RAP1GAP2: variants seen among roughly 807,000 people sequenced by gnomAD.
RAP1GAP2 encodes the protein RAP1 GTPase activating protein 2.
In RAP1GAP2, 27 loss-of-function variants were observed where a neutral mutation model predicts 95.0. The observed-to-expected ratio is 0.28, with a 90% CI of 0.21 to 0.39. The LOEUF (loss-of-function observed/expected upper bound fraction) is 0.39, where lower values mean the gene tolerates loss of function less well. Among genes scored for constraint, RAP1GAP2 ranks in the 10% least tolerant of loss-of-function variants. The pLI, the probability that RAP1GAP2 is intolerant of heterozygous loss-of-function variation, is 1.00. For synonymous variants in RAP1GAP2, 373 were observed against 380.9 expected, an observed-to-expected ratio of 0.98 and a Z score of 0.24; for missense variants, 771 against 970.0, an observed-to-expected ratio of 0.79 and a Z score of 2.72.
intron 2 of RAP1GAP2, among the ~76,000 whole-genome samples, chr17:2,889,934 G>A (rs1165948846): frequency 1.5e-5 from 2 of 133,564 alleles, no homozygotes; most frequent in African/African-American, 2.8e-5. Context: ...ATTTTGGCCA[G>A]GTGGGTCTTG....
chr17:2,920,952 G>A (rs948030328), intron 3 of RAP1GAP2, among the ~76,000 whole-genome samples: 3 of 152,132 alleles, frequency 2.0e-5, no homozygotes, highest in Non-Finnish European at 2.9e-5. Context: ...AGAGGCCAGT[G>A]GATGGTGGGT....
intron 2 of RAP1GAP2, among the ~76,000 whole-genome samples, chr17:2,826,734 G>T (rs537139986): frequency 2.0e-5 from 3 of 152,112 alleles, no homozygotes; most frequent in African/African-American, 7.2e-5. Context: ...CCGGCCGGGC[G>T]CGGTGGCTCA....
intron 3 of RAP1GAP2, among the ~76,000 whole-genome samples, chr17:2,917,861 A>ACC (rs1381539753): frequency 1.3e-5 from 2 of 151,710 alleles, no homozygotes; most frequent in African/African-American, 4.8e-5. Context: ...GATTACAAGC[A>ACC]CATGCCACCA....
chr17:3,030,122 A>G (rs1238945058), intron 22 of RAP1GAP2, among the ~76,000 whole-genome samples: 1 of 147,212 alleles, frequency 6.8e-6, no homozygotes, highest in African/African-American at 2.5e-5. Context: ...TGTATATATT[A>G]TATATACATA....
intron 2 of RAP1GAP2, among the ~76,000 whole-genome samples, chr17:2,860,065 G>T (rs1041084958): frequency 6.6e-6 from 1 of 151,902 alleles, no homozygotes; most frequent in Non-Finnish European, 1.5e-5. Context: ...TCCTGCCATT[G>T]CAGGCAGCCC....
At chr17:2,791,286 T>C (rs178579) in intron 1 of RAP1GAP2, among the ~76,000 whole-genome samples, 144,649 of 152,250 alleles carry the variant, frequency 0.95, 69,162 homozygotes, top group Non-Finnish European at 1. Context: ...GCTGGGACTT[T>C]GCCCCAGGCT....
At chr17:2,984,879 G>A in intron 10 of RAP1GAP2, 104 bp from the exon 11 acceptor site, 1 of 1,547,272 alleles carries the variant, frequency 6.5e-7, no homozygotes, top group Non-Finnish European at 8.7e-7. Flanking sequence ...TCATACCAGG[G>A]AACACATTCT....
chr17:2,952,396 A>C (rs965889353), intron 3 of RAP1GAP2, among the ~76,000 whole-genome samples: 3 of 152,168 alleles, frequency 2.0e-5, no homozygotes, highest in Admixed American at 1.3e-4. Context: ...TTTGGCCCTT[A>C]AACAGTGCTG....
At chr17:2,785,875 G>A (rs1376261192) in intron 1 of RAP1GAP2, among the ~76,000 whole-genome samples, 1 of 148,034 alleles carries the variant, frequency 6.8e-6, no homozygotes, top group African/African-American at 2.5e-5. Flanking sequence ...GTATGGTAAA[G>A]ATGAAAGGAA....
chr17:3,019,018 T>C (rs540565410), intron 18 of RAP1GAP2, among the ~76,000 whole-genome samples: 6 of 152,240 alleles, frequency 3.9e-5, no homozygotes, highest in African/African-American at 1.2e-4. Flanking sequence ...GCCGAGATCA[T>C]GCCACTGCAC....
rs1401708341 is a variant in RAP1GAP2, at chr17:3,026,382, C to T, written c.1898C>T (p.Ala633Val). The T allele has an allele frequency of 1.3e-6, 2 of 1,552,186 alleles. No individual in the cohort carries two copies. Among genetic ancestry groups the T allele is most frequent in the Non-Finnish European group, 1.7e-6 (2 of 1,147,500 alleles). The change falls in exon 21 of 25, where the codon GCC becomes GTC. Residue 633 changes from alanine to valine, a missense_variant. Physicochemically the swap from Ala to Val is moderately conservative, Grantham distance 64 (BLOSUM62 0). Coordinates refer to ENST00000254695, the MANE Select transcript of RAP1GAP2 (RefSeq NM_015085.5). ...ATGAAGTTGAAGGAAAACGGCCGTG[C>T]CATCTCCCGCTCCTCCTCCAGCACC... ...PFMKLKENGR[A>V]ISRSSSSTSS...
At chr17:2,878,630 G>T (rs1399767628) in intron 2 of RAP1GAP2, among the ~76,000 whole-genome samples, 1 of 152,216 alleles carries the variant, frequency 6.6e-6, no homozygotes, top group Non-Finnish European at 1.5e-5. Flanking sequence ...TGGTTCATCA[G>T]CCTAACTAAG....
At chr17:2,854,353 A>AC (rs544947107) in intron 2 of RAP1GAP2, among the ~76,000 whole-genome samples, 1 of 151,990 alleles carries the variant, frequency 6.6e-6, no homozygotes, top group South Asian at 2.1e-4. Context: ...TGACGGAGGG[A>AC]CCCCAAGTCC....
rs190273760 is a variant in RAP1GAP2, at chr17:3,029,505, G to C, written c.2108-1417G>C. On this transcript the variant is annotated intron_variant, in intron 22 of 24. Coordinates refer to ENST00000254695, the MANE Select transcript of RAP1GAP2 (RefSeq NM_015085.5). The surrounding 1 kb of genome is among the most constrained non-coding windows in gnomAD (Gnocchi z 4.4). ...GCTGAGTCTGGGGAGAGGCAGGGTG[G>C]AGTGGGGAGAGGTGGCCTGACGTCC... is the stretch of plus-strand genomic sequence containing the variant. 4.6e-5 allele frequency among the ~76,000 whole-genome samples: 7 copies of C among 152,306 alleles called. No individual in the cohort carries two copies. The highest frequency in any genetic ancestry group is 8.8e-5 in the Non-Finnish European group (6 of 68,022).
chr17:2,843,191 A>G (rs548567636), intron 2 of RAP1GAP2, among the ~76,000 whole-genome samples: 26 of 152,226 alleles, frequency 1.7e-4, no homozygotes, highest in Admixed American at 5.9e-4. Flanking sequence ...AGAATCACTA[A>G]GGGTGTGTCC....
chr17:2,950,057 TC>T (rs1298813692), intron 3 of RAP1GAP2, among the ~76,000 whole-genome samples: 48 of 89,722 alleles, frequency 5.3e-4, no homozygotes, highest in Admixed American at 3.9e-3. Flanking sequence ...TTCTTCTTCT[TC>T]TTCTTTTTTT....
chr17:2,991,977 G>A (rs1262640440), intron 12 of RAP1GAP2, among the ~76,000 whole-genome samples: 2 of 151,902 alleles, frequency 1.3e-5, no homozygotes, highest in Non-Finnish European at 2.9e-5. Context: ...TGTTGCCCAG[G>A]CTGGTCTTGA....
intron 2 of RAP1GAP2, among the ~76,000 whole-genome samples, chr17:2,854,388 C>T (rs1176407444): frequency 2.6e-5 from 4 of 152,196 alleles, no homozygotes; most frequent in African/African-American, 7.2e-5. Context: ...CTTTGCAGAC[C>T]GCGACCCCGT....
chr17:3,019,480 C>T (rs1433371153), intron 18 of RAP1GAP2, among the ~76,000 whole-genome samples: 1 of 152,152 alleles, frequency 6.6e-6, no homozygotes, highest in Non-Finnish European at 1.5e-5. Flanking sequence ...GGCCACTGCA[C>T]TCCAGCCTGG....
Sources: allele counts gnomAD v4.1 joint callset (sites outside exome capture counted in the v4.1 genomes callset), GRCh38; gene constraint gnomAD v4.1.1; non-coding constraint Gnocchi (gnomAD v3.1); transcripts MANE v1.5; gene names NCBI Gene and HGNC (gene_info 2026-07-23, HGNC 2026-07-21).